LRRC8D: variants seen among roughly 807,000 people sequenced by gnomAD.
LRRC8D encodes the protein leucine rich repeat containing 8 VRAC subunit D.
A neutral mutation model predicts 55.8 loss-of-function variants in LRRC8D; 20 were observed. The observed-to-expected ratio is 0.36, with a 90% CI of 0.25 to 0.52. The LOEUF is 0.52. Among genes scored for constraint, LRRC8D ranks in the 20% least tolerant of loss-of-function variants. The pLI, the probability that LRRC8D is intolerant of heterozygous loss-of-function variation, is 0.93. For missense variants in LRRC8D, 651 were observed against 1,030.8 expected, an observed-to-expected ratio of 0.63 and a Z score of 5.05; for synonymous variants, 352 against 377.0, an observed-to-expected ratio of 0.93 and a Z score of 0.77.
At chr1:89,828,139 C>T (rs892734913) in intron 1 of LRRC8D, among the ~76,000 whole-genome samples, 2 of 152,168 alleles carry the variant, frequency 1.3e-5, no homozygotes, top group African/African-American at 2.4e-5. Context: ...GGGTTTGAAA[C>T]ATTTGTGGCC....
At chr1:89,915,034 G>A (rs778127500) in intron 2 of LRRC8D, among the ~76,000 whole-genome samples, 15 of 151,604 alleles carry the variant, frequency 9.9e-5, no homozygotes, top group Non-Finnish European at 1.3e-4. Context: ...GTGTGTGTGT[G>A]TGTGTGTGTG....
chr1:89,822,690 A>C (rs1660668725), intron 1 of LRRC8D, among the ~76,000 whole-genome samples: 1 of 152,134 alleles, frequency 6.6e-6, no homozygotes, highest in African/African-American at 2.4e-5. Flanking sequence ...CAAGAATGAG[A>C]GTGATCAGAC....
In LRRC8D at chr1:89,933,251, T is replaced by C; in HGVS notation, c.183T>C (p.Pro61=). 4 of 1,614,158 alleles carry C rather than the reference T, an allele frequency of 2.5e-6. No individual in the cohort carries two copies. The South Asian group carries it at 3.3e-5, about 13-fold the overall frequency. ...TCTGTTTGCCAGTATTGCCATCTCC[T>C]GTAAATTCAAAGGCACATACACCAC... ...QVVCLPVLPS[P]VNSKAHTPPG... The change falls in exon 3 of 3, where the codon CCT becomes CCC. Residue 61 remains proline (P), a synonymous_variant. Coordinates refer to ENST00000337338, the MANE Select transcript of LRRC8D (RefSeq NM_001134479.2). The surrounding 1 kb of genome is among the most constrained non-coding windows in gnomAD (Gnocchi z 7.0).
Position 89,935,218 on chromosome 1 carries a change from A to T in LRRC8D, c.2150A>T (p.Lys717Met), listed in dbSNP as rs767735051. ...GAGTCACTTTATTTCTCTAACAACAAGCTCGAATCCTTACCAGTGGCAGTA... is the reference window on the plus strand; with the variant it reads ...GAGTCACTTTATTTCTCTAACAACATGCTCGAATCCTTACCAGTGGCAGTA... ...NLESLYFSNN[K>M]LESLPVAVFS... The change falls in exon 3 of 3, where the codon AAG (lysine) becomes ATG (methionine). Residue 717 changes from lysine (K) to methionine (M), a missense_variant. Lys to Met is a moderately conservative substitution (Grantham distance 95, BLOSUM62 -1). Transcript: ENST00000337338. 6 of 1,614,198 alleles carry T rather than the reference A, an allele frequency of 3.7e-6. No homozygotes were observed. Among genetic ancestry groups the T allele is most frequent in the Non-Finnish European group, 3.4e-6 (4 of 1,180,036 alleles).
chr1:89,848,087 A>G (rs976064043), intron 2 of LRRC8D, among the ~76,000 whole-genome samples: 4 of 152,232 alleles, frequency 2.6e-5, no homozygotes, highest in Admixed American at 1.3e-4. Context: ...GTTGTACATT[A>G]AAAGGATGAT....
At chr1:89,847,702 C>T (rs377115301) in intron 2 of LRRC8D, among the ~76,000 whole-genome samples, 29 of 152,230 alleles carry the variant, frequency 1.9e-4, no homozygotes, top group East Asian at 1.3e-3. Context: ...AACTGTAATG[C>T]AGTGGCTCCT....
intron 2 of LRRC8D, among the ~76,000 whole-genome samples, chr1:89,893,356 T>C (rs1052469166): frequency 2.0e-5 from 3 of 152,224 alleles, no homozygotes; most frequent in African/African-American, 7.2e-5. Flanking sequence ...TGGTTATAGC[T>C]TTCAGTTACT....
At chr1:89,860,876 T>C (rs559449133) in intron 2 of LRRC8D, among the ~76,000 whole-genome samples, 55 of 148,310 alleles carry the variant, frequency 3.7e-4, no homozygotes, top group South Asian at 6.6e-4. Flanking sequence ...ACGTTCTCCA[T>C]TCCCCCTTTT....
chr1:89,900,372 GAAGGTA>G (rs985967020), intron 2 of LRRC8D, among the ~76,000 whole-genome samples: 10 of 150,884 alleles, frequency 6.6e-5, no homozygotes, highest in Admixed American at 6.6e-4. Flanking sequence ...GGAAGATTCA[GAAGGTA>G]AAGGTGGTGA....
chr1:89,821,352 G>T (rs1427178560), intron 1 of LRRC8D, 61 bp downstream of exon 1: 2 of 152,136 alleles, frequency 1.3e-5, no homozygotes, highest in Non-Finnish European at 2.9e-5. Flanking sequence ...CGCGCAGGTG[G>T]AGCCGCGCCG....
rs2101002344 is a variant in LRRC8D, at chr1:89,933,539, C to T, written c.471C>T (p.Ala157=). ...VFINQMCYHL[A]LPWYSKYFPY... is the part of the protein sequence containing the mutation. ...TTAATCAAATGTGTTACCATCTGGC[C>T]CTTCCGTGGTATTCTAAGTACTTTC... The change falls in exon 3 of 3, where the codon GCC becomes GCT. Residue 157 remains alanine, a synonymous_variant. Transcript: ENST00000337338. This position sits in a 1 kb window ranked among gnomAD's most constrained non-coding sequence, Gnocchi z 7.0. The T allele has an allele frequency of 1.2e-6, 2 of 1,614,094 alleles. No individual in the cohort carries two copies. Among genetic ancestry groups the T allele is most frequent in the Non-Finnish European group, 8.5e-7 (1 of 1,179,996 alleles).
At chr1:89,925,753 C>G (rs1663545289) in intron 2 of LRRC8D, among the ~76,000 whole-genome samples, 1 of 152,196 alleles carries the variant, frequency 6.6e-6, no homozygotes, top group African/African-American at 2.4e-5. Flanking sequence ...GAAATACCCC[C>G]CTGGTAGGAA....
chr1:89,897,815 T>C (rs561295866), intron 2 of LRRC8D, among the ~76,000 whole-genome samples: 1 of 152,204 alleles, frequency 6.6e-6, no homozygotes, highest in Non-Finnish European at 1.5e-5. Context: ...TCTCATTTGA[T>C]TTCTGCAGTG....
chr1:89,879,091 G>C (rs775959354), intron 2 of LRRC8D, among the ~76,000 whole-genome samples: 1 of 151,928 alleles, frequency 6.6e-6, no homozygotes, highest in African/African-American at 2.4e-5. Flanking sequence ...CCCCTGCTCT[G>C]TATCTCCCTG....
intron 2 of LRRC8D, among the ~76,000 whole-genome samples, chr1:89,883,211 C>T (rs1486231390): frequency 1.3e-5 from 2 of 150,564 alleles, no homozygotes; most frequent in African/African-American, 2.5e-5. Flanking sequence ...CCTCAAAATA[C>T]GTGTGTAGGC....
At chr1:89,849,057 A>G (rs892436089) in intron 2 of LRRC8D, among the ~76,000 whole-genome samples, 1 of 152,214 alleles carries the variant, frequency 6.6e-6, no homozygotes, top group African/African-American at 2.4e-5. Flanking sequence ...CACACAGACA[A>G]GCTAAGGCCT....
At chr1:89,832,572 C>G (rs766766856) in intron 1 of LRRC8D, among the ~76,000 whole-genome samples, 1 of 152,062 alleles carries the variant, frequency 6.6e-6, no homozygotes, top group Non-Finnish European at 1.5e-5. Flanking sequence ...TTTCTTTTCC[C>G]CCTTATGGAA....
intron 1 of LRRC8D, among the ~76,000 whole-genome samples, chr1:89,834,846 TG>T (rs1660968276): frequency 6.6e-6 from 1 of 152,028 alleles, no homozygotes; most frequent in Non-Finnish European, 1.5e-5. Flanking sequence ...GTACAGAATG[TG>T]TTTGGGAAAT....
At chr1:89,886,775 G>A (rs1284344688) in intron 2 of LRRC8D, among the ~76,000 whole-genome samples, 1 of 152,160 alleles carries the variant, frequency 6.6e-6, no homozygotes, top group African/African-American at 2.4e-5. Context: ...TTCATGCAAA[G>A]AGTGGAGGGG....
Sources: gnomAD v4.1 joint callset for allele counts (sites outside exome capture counted in the v4.1 genomes callset) on GRCh38, gnomAD v4.1.1 for gene constraint, Gnocchi (gnomAD v3.1) non-coding constraint, MANE v1.5 for transcripts, NCBI Gene and HGNC (gene_info 2026-07-23, HGNC 2026-07-21) for gene names.